SLC7A14: variants seen among roughly 807,000 people sequenced by gnomAD.
SLC7A14 encodes the protein solute carrier family 7 member 14.
Under a neutral mutation model 60.2 loss-of-function variants are expected in SLC7A14, and 37 were observed. The observed-to-expected ratio is 0.61, with a 90% CI of 0.47 to 0.81. The LOEUF (loss-of-function observed/expected upper bound fraction) is 0.81, where lower values mean the gene tolerates loss of function less well. Ranked by LOEUF, SLC7A14 falls within the 30% of genes least tolerant of loss-of-function variation. The probability of loss-of-function intolerance (pLI) is 0.00; values close to 1 mark genes in which losing one functional copy is unlikely to be tolerated. For synonymous variants in SLC7A14, 399 were observed against 395.8 expected, an observed-to-expected ratio of 1.01 and a Z score of -0.10; for missense variants, 886 against 982.7, an observed-to-expected ratio of 0.90 and a Z score of 1.32.
chr3:170,484,740 G>A (rs372873258), intron 5 of SLC7A14, among the ~76,000 whole-genome samples: 7 of 152,312 alleles, frequency 4.6e-5, no homozygotes. Context: ...CTGCTGACCA[G>A]TACAAGACCA....
At chr3:170,570,139 A>G (rs1714905839) in intron 1 of SLC7A14, 1 of 152,122 alleles carries the variant, frequency 6.6e-6, no homozygotes, top group African/African-American at 2.4e-5. Context: ...TCCTTGCCTA[A>G]AGAGGAGAAA....
intron 7 of SLC7A14, among the ~76,000 whole-genome samples, chr3:170,479,599 A>G (rs1711743375): frequency 6.6e-6 from 1 of 152,206 alleles, no homozygotes; most frequent in Non-Finnish European, 1.5e-5. Flanking sequence ...GACCTAACAG[A>G]GTCATATTAG....
intron 4 of SLC7A14, among the ~76,000 whole-genome samples, chr3:170,486,686 A>G (rs1240131621): frequency 1.3e-5 from 2 of 152,110 alleles, no homozygotes; most frequent in African/African-American, 4.8e-5. Flanking sequence ...AGCCTTACCA[A>G]CATGGTGAAA....
intron 2 of SLC7A14, among the ~76,000 whole-genome samples, chr3:170,519,911 C>T (rs1474881884): frequency 2.0e-5 from 3 of 152,190 alleles, no homozygotes; most frequent in Admixed American, 1.3e-4. Context: ...GGTCTTGAGT[C>T]ATCTTGCAAT....
chr3:170,560,630 C>T (rs891625046), intron 1 of SLC7A14, among the ~76,000 whole-genome samples: 1 of 152,166 alleles, frequency 6.6e-6, no homozygotes, highest in Non-Finnish European at 1.5e-5. Context: ...AGCATTGCCT[C>T]TCTATAGATC....
Position 170,483,328 on chromosome 3 carries a change from G to A in SLC7A14, c.1101C>T (p.Asp367=), listed in dbSNP as rs751620264. 59 of 1,613,954 alleles carry A rather than the reference G, an allele frequency of 3.7e-5. No individual in the cohort carries two copies. The Admixed American group carries it at 3.8e-4, about 10-fold the overall frequency. ...ATAGCCCTTACCTGAAAAGGAGCCC[G>A]TCACCAGCCATGGCATAAATGACCC... ...MPRVIYAMAG[D]GLLFRFLAHV... is the part of the protein sequence containing the mutation. The change falls in exon 6 of 8, where the codon GAC becomes GAT. Residue 367 remains aspartate (D), a synonymous_variant. Coordinates refer to ENST00000231706, the MANE Select transcript of SLC7A14 (RefSeq NM_020949.3).
intron 1 of SLC7A14, among the ~76,000 whole-genome samples, chr3:170,534,783 A>T (rs979546533): frequency 3.9e-5 from 6 of 152,024 alleles, no homozygotes; most frequent in East Asian, 1.9e-4. Context: ...ATAATTCTTT[A>T]AAAAAAACTT....
At position 170,462,726 on chromosome 3, in the gene SLC7A14, G is replaced by A. The variant is rs1373015875; in HGVS notation, c.*4329C>T. On this transcript the variant is annotated 3_prime_UTR_variant, in exon 8 of 8. Coordinates refer to ENST00000231706, the MANE Select transcript of SLC7A14 (RefSeq NM_020949.3). ...AGCCTGGGTGACAGAATGAGACTCT[G>A]TCTAAAAAAAAAAAAGTAGCACTCA... The A allele has an allele frequency of 8.3e-5, 8 of 96,578 alleles. No homozygotes were observed. The highest frequency in any genetic ancestry group is 2.5e-4 in the African/African-American group (8 of 31,752). The allele number at this position is 96,578 out of a possible 1,614,324, so 6.0% of individuals were successfully genotyped here.
At chr3:170,497,107 A>G (rs139894672) in intron 4 of SLC7A14, among the ~76,000 whole-genome samples, 6,326 of 142,582 alleles carry the variant, frequency 0.044, 194 homozygotes, top group Middle Eastern at 0.099. Flanking sequence ...AAAAAAAAAA[A>G]AAAGAAAGAA....
rs182193314 is a variant in SLC7A14, at chr3:170,550,607, C to T, written c.-152-23519G>A. Among the ~76,000 whole-genome samples, 307 of 143,052 alleles carry T rather than the reference C, an allele frequency of 2.1e-3. 1 individual carries two copies. The highest frequency in any genetic ancestry group is 7.1e-3 in the African/African-American group (266 of 37,682). The allele number at this position is 143,052 out of a possible 152,430, so 93.8% of individuals were successfully genotyped here. ...TGTGATCTCGGCTCACTGCAACCTC[C>T]GCCTCCCAGGTTCAAGCAATTCTCC... is the stretch of plus-strand genomic sequence containing the variant. On this transcript the variant is annotated intron_variant, in intron 1 of 7. Coordinates refer to ENST00000231706, the MANE Select transcript of SLC7A14 (RefSeq NM_020949.3).
At chr3:170,572,111 C>T (rs571851815) in intron 1 of SLC7A14, among the ~76,000 whole-genome samples, 116 of 151,366 alleles carry the variant, frequency 7.7e-4, no homozygotes, top group Non-Finnish European at 1.4e-3. Context: ...TAAGACTTGT[C>T]CAAAGTCCCA....
chr3:170,551,499 AC>A (rs1714351161), intron 1 of SLC7A14, among the ~76,000 whole-genome samples: 1 of 152,290 alleles, frequency 6.6e-6, no homozygotes, highest in East Asian at 1.9e-4. Context: ...AGACAGCAGC[AC>A]CACTTTGCAT....
chr3:170,541,714 A>C (rs143492993), intron 1 of SLC7A14, among the ~76,000 whole-genome samples: 25 of 152,342 alleles, frequency 1.6e-4, no homozygotes, highest in African/African-American at 5.8e-4. Context: ...TAAAATGTTA[A>C]AAATGGGGAA....
chr3:170,490,058 T>C (rs1392088514), intron 4 of SLC7A14, among the ~76,000 whole-genome samples: 1 of 152,148 alleles, frequency 6.6e-6, no homozygotes, highest in Non-Finnish European at 1.5e-5. Flanking sequence ...CTATAGTCAG[T>C]AATAATTGTA....
intron 1 of SLC7A14, among the ~76,000 whole-genome samples, chr3:170,541,245 T>C (rs1191677817): frequency 6.6e-6 from 1 of 152,208 alleles, no homozygotes; most frequent in Non-Finnish European, 1.5e-5. Flanking sequence ...CACAGTTAAA[T>C]GGATTATCAG....
intron 2 of SLC7A14, among the ~76,000 whole-genome samples, chr3:170,507,347 T>C (rs905123348): frequency 2.6e-5 from 4 of 152,202 alleles, no homozygotes; most frequent in Non-Finnish European, 4.4e-5. Flanking sequence ...AAGAGTTTAA[T>C]AAACAGCTGA....
intron 4 of SLC7A14, chr3:170,495,921 G>A: frequency 6.9e-7 from 1 of 1,441,756 alleles, no homozygotes; most frequent in Non-Finnish European, 9.7e-7. Flanking sequence ...GCTGGAGGCG[G>A]AGCTTGGCAA....
At chr3:170,472,072 G>A (rs2108264417) in intron 7 of SLC7A14, among the ~76,000 whole-genome samples, 1 of 152,128 alleles carries the variant, frequency 6.6e-6, no homozygotes, top group African/African-American at 2.4e-5. Flanking sequence ...AAACACAGAA[G>A]TGTTTCAATA....
At chr3:170,496,465 C>T in intron 4 of SLC7A14, 1 of 1,310,182 alleles carries the variant, frequency 7.6e-7, no homozygotes, top group Non-Finnish European at 1.1e-6. Context: ...GGGGAGCTGG[C>T]CGTTAAGGAT....
Sources: gnomAD v4.1 joint callset for allele counts (sites outside exome capture counted in the v4.1 genomes callset) on GRCh38, gnomAD v4.1.1 for gene constraint, MANE v1.5 for transcripts, NCBI Gene and HGNC (gene_info 2026-07-23, HGNC 2026-07-21) for gene names.